ACTR3C: variants seen among roughly 807,000 people sequenced by gnomAD.
ACTR3C encodes actin-related protein 3C.
In ACTR3C, 18 loss-of-function variants were observed where a neutral mutation model predicts 26.3. That is an observed-to-expected ratio of 0.68 (90% CI 0.47 to 1.01). The LOEUF (loss-of-function observed/expected upper bound fraction) is 1.01, where lower values mean the gene tolerates loss of function less well. ACTR3C is among the 50% of genes least tolerant of loss of function. The pLI is 0.00. For missense variants in ACTR3C, 184 were observed against 250.7 expected, an observed-to-expected ratio of 0.73 and a Z score of 1.80; for synonymous variants, 55 against 94.5, an observed-to-expected ratio of 0.58 and a Z score of 2.42.
the ACTR3C span, among the ~76,000 whole-genome samples, chr7:150,204,552 G>A: frequency 1.3e-5 from 2 of 152,050 alleles, no homozygotes; most frequent in African/African-American, 4.8e-5. Flanking sequence ...GTGCGGCTTT[G>A]TGTATTTGTC....
intron 2 of ACTR3C, among the ~76,000 whole-genome samples, chr7:150,294,143 G>A (rs1225503984): frequency 2.0e-5 from 3 of 152,126 alleles, no homozygotes; most frequent in Non-Finnish European, 4.4e-5. Flanking sequence ...AATCTGGAAG[G>A]TACAGGGTAA....
the ACTR3C span, among the ~76,000 whole-genome samples, chr7:150,023,672 T>C: frequency 6.7e-6 from 1 of 149,812 alleles, no homozygotes; most frequent in African/African-American, 2.5e-5. Context: ...AGCTAAGAAA[T>C]GAAAGGTTTT....
the ACTR3C span, among the ~76,000 whole-genome samples, chr7:149,911,438 G>A: frequency 5.3e-5 from 8 of 151,970 alleles, no homozygotes; most frequent in Admixed American, 2.6e-4. Flanking sequence ...CTACACCCCC[G>A]GCACAGTGAC....
chr7:150,295,158 C>T (rs1173400023), intron 2 of ACTR3C, 94 bp downstream of exon 2: 19 of 1,430,514 alleles, frequency 1.3e-5, no homozygotes, highest in African/African-American at 4.3e-5. Flanking sequence ...GGGCACACAG[C>T]GCAGTCTTCC....
At chr7:150,138,760 G>A in the ACTR3C span, among the ~76,000 whole-genome samples, 1 of 152,278 alleles carries the variant, frequency 6.6e-6, no homozygotes, top group Admixed American at 6.5e-5. Context: ...CCCAACTTGA[G>A]CCATGAATGA....
At chr7:150,193,342 T>C in the ACTR3C span, among the ~76,000 whole-genome samples, 1 of 151,960 alleles carries the variant, frequency 6.6e-6, no homozygotes, top group Non-Finnish European at 1.5e-5. Context: ...GGTTTATCAA[T>C]TTTATTGGTC....
At chr7:150,132,994 A>G in the ACTR3C span, among the ~76,000 whole-genome samples, 1 of 152,168 alleles carries the variant, frequency 6.6e-6, no homozygotes, top group Non-Finnish European at 1.5e-5. Flanking sequence ...TCCTCTATCT[A>G]TATCTTTAAA....
At chr7:149,961,982 TTCACTCACAGGAAGGG>T in the ACTR3C span, among the ~76,000 whole-genome samples, 4 of 152,014 alleles carry the variant, frequency 2.6e-5, no homozygotes, top group African/African-American at 9.7e-5. Context: ...ACAGGAAGTG[TTCACTCACAGGAAGGG>T]TGTGCTCACC....
chr7:150,156,068 G>A, the ACTR3C span, among the ~76,000 whole-genome samples: 1 of 151,046 alleles, frequency 6.6e-6, no homozygotes, highest in African/African-American at 2.4e-5. Context: ...GAGTCAGTGA[G>A]GTGGGTGAGC....
intron 1 of ACTR3C, among the ~76,000 whole-genome samples, chr7:150,317,350 G>A (rs1290400271): frequency 6.6e-6 from 1 of 152,194 alleles, no homozygotes; most frequent in East Asian, 1.9e-4. Flanking sequence ...ACTGCGCCCA[G>A]CCTTCCTTTG....
intron 1 of ACTR3C, among the ~76,000 whole-genome samples, chr7:150,299,489 A>C (rs1439929539): frequency 2.8e-4 from 41 of 144,426 alleles, no homozygotes; most frequent in Middle Eastern, 3.5e-3. Context: ...AAAAAAAAAA[A>C]AAAAACAAAA....
At chr7:150,039,154 G>C in the ACTR3C span, among the ~76,000 whole-genome samples, 2 of 151,432 alleles carry the variant, frequency 1.3e-5, no homozygotes, top group African/African-American at 2.4e-5. Context: ...TAAGCCGGTG[G>C]GGGAAGAGGG....
At chr7:149,928,381 CTTTT>C in the ACTR3C span, among the ~76,000 whole-genome samples, 466 of 106,828 alleles carry the variant, frequency 4.4e-3, 2 homozygotes, top group African/African-American at 0.015. Context: ...TTTTGTATTT[CTTTT>C]TTTTTTTTTT....
At chr7:150,159,089 C>T in the ACTR3C span, among the ~76,000 whole-genome samples, 1 of 152,112 alleles carries the variant, frequency 6.6e-6, no homozygotes, top group African/African-American at 2.4e-5. Context: ...TTAGCTTGAT[C>T]GTGGTGATCA....
At chr7:149,925,978 G>T in the ACTR3C span, among the ~76,000 whole-genome samples, 2 of 152,080 alleles carry the variant, frequency 1.3e-5, no homozygotes, top group African/African-American at 4.8e-5. Flanking sequence ...CAGGAGAATC[G>T]CTTGAATCCA....
the ACTR3C span, chr7:150,040,658 C>G: frequency 1.4e-5 from 2 of 146,010 alleles, no homozygotes; most frequent in Admixed American, 6.7e-5. Context: ...ACGCAAGGTA[C>G]CTGCCGTCGG....
the ACTR3C span, among the ~76,000 whole-genome samples, chr7:150,224,370 G>A: frequency 2.0e-5 from 3 of 152,230 alleles, no homozygotes; most frequent in African/African-American, 7.2e-5. Flanking sequence ...TCAGCTCAAA[G>A]TCTAGAATTC....
the ACTR3C span, among the ~76,000 whole-genome samples, chr7:149,954,435 T>C: frequency 4.6e-5 from 7 of 152,326 alleles, no homozygotes; most frequent in African/African-American, 1.7e-4. Context: ...ACATTCCACT[T>C]CTGCACATAT....
the ACTR3C span, among the ~76,000 whole-genome samples, chr7:149,914,148 C>G: frequency 6.6e-6 from 1 of 151,676 alleles, no homozygotes; most frequent in Non-Finnish European, 1.5e-5. Context: ...CTTGGCCTCC[C>G]AAAGTGCTAG....
Sources: allele counts gnomAD v4.1 joint callset (sites outside exome capture counted in the v4.1 genomes callset), GRCh38; gene constraint gnomAD v4.1.1; transcripts MANE v1.5; gene names NCBI Gene and HGNC (gene_info 2026-07-23, HGNC 2026-07-21).